ESCO1: variants seen among roughly 807,000 people sequenced by gnomAD.
ESCO1 encodes establishment of sister chromatid cohesion N-acetyltransferase 1.
A neutral mutation model predicts 83.5 loss-of-function variants in ESCO1; 33 were observed. That is an observed-to-expected ratio of 0.40 (90% CI 0.30 to 0.53). The LOEUF (loss-of-function observed/expected upper bound fraction) is 0.53, where lower values mean the gene tolerates loss of function less well. Ranked by LOEUF, ESCO1 falls within the 20% of genes least tolerant of loss-of-function variation. ESCO1 has a pLI of 0.63. For synonymous variants in ESCO1, 332 were observed against 324.3 expected (o/e 1.02, Z -0.25); for missense variants, 855 against 968.0 (o/e 0.88, Z 1.55).
At chr18:21,547,829 C>T (rs1348623736) in intron 8 of ESCO1, among the ~76,000 whole-genome samples, 1 of 152,110 alleles carries the variant, frequency 6.6e-6, no homozygotes. Flanking sequence ...TCCGGCCAGG[C>T]GCAGTGGCTC....
intron 8 of ESCO1, among the ~76,000 whole-genome samples, chr18:21,556,280 G>GA (rs562090466): frequency 6.6e-6 from 1 of 151,622 alleles, no homozygotes; most frequent in Non-Finnish European, 1.5e-5. Flanking sequence ...TTAAAAATCA[G>GA]AAAAAAAATC....
chr18:21,591,424 C>T (rs904537138), intron 1 of ESCO1, among the ~76,000 whole-genome samples: 5 of 152,190 alleles, frequency 3.3e-5, no homozygotes, highest in Non-Finnish European at 7.3e-5. Context: ...ACTGGTCTCT[C>T]CTAAGCAGGC....
chr18:21,595,752 A>G (rs561343435), intron 1 of ESCO1, among the ~76,000 whole-genome samples: 25 of 151,232 alleles, frequency 1.7e-4, no homozygotes, highest in African/African-American at 5.8e-4. Context: ...TCACGAGGTC[A>G]GGAGATCGAG....
chr18:21,571,807 A>G lies in ESCO1; in HGVS notation c.1530+1507T>C, dbSNP rs1389714755. ...GCCACAACTTATTACTCATACTACA[A>G]CTCACTACTTATTTCTAATTACTAT... On this transcript the variant is annotated intron_variant, in intron 4 of 11. Transcript: ENST00000269214. Among the ~76,000 whole-genome samples the G allele has an allele frequency of 3.3e-5, 5 of 152,164 alleles. No homozygotes were observed. The East Asian group carries it at 9.7e-4, about 29-fold the overall frequency.
chr18:21,565,900 C>T (rs2038253073), intron 6 of ESCO1, among the ~76,000 whole-genome samples: 1 of 152,002 alleles, frequency 6.6e-6, no homozygotes, highest in South Asian at 2.1e-4. Flanking sequence ...CACTGCACTC[C>T]AGCCTGGGTA....
At chr18:21,535,217 A>ATT (rs71178182) in intron 10 of ESCO1, among the ~76,000 whole-genome samples, 3 of 142,564 alleles carry the variant, frequency 2.1e-5, no homozygotes, top group Non-Finnish European at 3.1e-5. Context: ...TAGTATTCTG[A>ATT]TTTTTTTTTT....
intron 2 of ESCO1, among the ~76,000 whole-genome samples, chr18:21,579,746 A>C: frequency 6.7e-6 from 1 of 149,548 alleles, no homozygotes. Context: ...ACTGTACTCC[A>C]GCCTGGGCAA....
intron 8 of ESCO1, among the ~76,000 whole-genome samples, chr18:21,553,781 C>A (rs1177830738): frequency 6.6e-6 from 1 of 150,418 alleles, no homozygotes; most frequent in African/African-American, 2.4e-5. Context: ...CGCTTGAACC[C>A]GAGAGGTGGA....
chr18:21,596,540 T>C (rs1305883840), intron 1 of ESCO1, among the ~76,000 whole-genome samples: 1 of 151,806 alleles, frequency 6.6e-6, no homozygotes, highest in African/African-American at 2.4e-5. Flanking sequence ...TATGAAAAGA[T>C]AGAAAATATT....
At chr18:21,600,045 C>T (rs955363083) in intron 1 of ESCO1, among the ~76,000 whole-genome samples, 3 of 152,204 alleles carry the variant, frequency 2.0e-5, no homozygotes, top group African/African-American at 7.2e-5. Flanking sequence ...ACCTTGGGCC[C>T]GCTCCCCTCC....
chr18:21,573,300 T>A lies in ESCO1; in HGVS notation c.1530+14A>T. On this transcript the variant is annotated intron_variant, in intron 4 of 11. Transcript: ENST00000269214. ...ATTTCGGCACCTCTATTGTGCATAATAAAAACAGATTACCTTATTTGATGC... is the reference window on the plus strand; with the variant it reads ...ATTTCGGCACCTCTATTGTGCATAAAAAAAACAGATTACCTTATTTGATGC... 6.5e-7 allele frequency: 1 copy of A among 1,549,824 alleles called. No individual in the cohort carries two copies. The highest frequency in any genetic ancestry group is 8.6e-7 in the Non-Finnish European group (1 of 1,156,896).
At chr18:21,565,754 T>C (rs1035469151) in intron 6 of ESCO1, among the ~76,000 whole-genome samples, 25 of 152,070 alleles carry the variant, frequency 1.6e-4, no homozygotes, top group Middle Eastern at 3.2e-3. Context: ...CTGAGCAGCA[T>C]AGCAAGACCT....
chr18:21,547,271 G>A (rs1288077025), intron 8 of ESCO1, among the ~76,000 whole-genome samples: 3 of 149,570 alleles, frequency 2.0e-5, no homozygotes, highest in Admixed American at 6.7e-5. Context: ...AAACAAGGTC[G>A]ACAGTTAATA....
chr18:21,583,065 C>G (rs894630288), intron 2 of ESCO1, among the ~76,000 whole-genome samples: 3 of 152,072 alleles, frequency 2.0e-5, no homozygotes, highest in Non-Finnish European at 4.4e-5. Context: ...ACCTGTAATC[C>G]CAGCTACTCA....
intron 2 of ESCO1, among the ~76,000 whole-genome samples, chr18:21,582,038 T>C (rs112464848): frequency 2.0e-5 from 3 of 151,860 alleles, no homozygotes; most frequent in Non-Finnish European, 4.4e-5. Context: ...CAGTGAGCCG[T>C]GATTATGCCA....
At chr18:21,585,760 TTTTTTTA>T (rs1415716062) in intron 1 of ESCO1, among the ~76,000 whole-genome samples, 1 of 152,088 alleles carries the variant, frequency 6.6e-6, no homozygotes, top group Non-Finnish European at 1.5e-5. Context: ...ACCTGGCTAA[TTTTTTTA>T]TTTTTTGTAG....
chr18:21,556,307 T>G (rs2038111873), intron 8 of ESCO1, among the ~76,000 whole-genome samples: 1 of 152,170 alleles, frequency 6.6e-6, no homozygotes, highest in Non-Finnish European at 1.5e-5. Flanking sequence ...CCTGCTCTAC[T>G]ACTATTCACT....
At chr18:21,540,113 T>G in intron 8 of ESCO1, 104 bp from the exon 9 acceptor site, 1 of 1,076,200 alleles carries the variant, frequency 9.3e-7, no homozygotes, top group Non-Finnish European at 1.3e-6. Context: ...TCAATTTGTC[T>G]AAAAATTGCA....
intron 9 of ESCO1, 93 bp downstream of exon 9, chr18:21,539,827 G>T: frequency 3.9e-6 from 4 of 1,035,208 alleles, no homozygotes; most frequent in South Asian, 1.4e-5. Flanking sequence ...CAGCCTGAGC[G>T]ACAGAGCAAG....
Sources: gnomAD v4.1 joint callset for allele counts (sites outside exome capture counted in the v4.1 genomes callset) on GRCh38, gnomAD v4.1.1 for gene constraint, MANE v1.5 for transcripts, NCBI Gene and HGNC (gene_info 2026-07-23, HGNC 2026-07-21) for gene names.